The following NT5M variants were observed in gnomAD, a reference collection of about 807,000 sequenced individuals.
The protein encoded by NT5M is 5',3'-nucleotidase, mitochondrial.
NT5M carries 22 observed loss-of-function variants against 22.2 expected under a neutral mutation model. The observed-to-expected ratio is 0.99, with a 90% CI of 0.71 to 1.41. The LOEUF is 1.41. Among genes scored for constraint, NT5M ranks in the 40% most tolerant of loss-of-function variants. The pLI is 0.00. For synonymous variants in NT5M, 167 were observed against 133.0 expected (o/e 1.26, Z -1.76); for missense variants, 322 against 314.8 (o/e 1.02, Z -0.17).
chr17:17,345,120 T>G, intron 4 of NT5M: 1 of 995,400 alleles, frequency 1.0e-6, no homozygotes. Context: ...GTGCCAGCTC[T>G]AGGGTTAGCT....
chr17:17,322,807 G>A lies in NT5M; in HGVS notation c.369-378G>A, dbSNP rs765294709. On this transcript the variant is annotated intron_variant, in intron 2 of 4. Transcript: ENST00000389022. Reference sequence around the variant, plus strand: ...GCCAAGGCCAAGCCTGTGTTTCAGGGACTCGATCACTGCAGGGCTTAGCCT... The same window carrying A: ...GCCAAGGCCAAGCCTGTGTTTCAGGAACTCGATCACTGCAGGGCTTAGCCT... Among the ~76,000 whole-genome samples, 35 of 152,330 alleles carry A rather than the reference G, an allele frequency of 2.3e-4. 1 individual carries two copies. In the Middle Eastern group the frequency reaches 0.014, roughly 59 times the overall value.
chr17:17,309,934 C>T (rs1302411151), intron 2 of NT5M, among the ~76,000 whole-genome samples: 1 of 151,536 alleles, frequency 6.6e-6, no homozygotes, highest in Non-Finnish European at 1.5e-5. Context: ...ATGCCATTCT[C>T]CTGCCTCAGC....
At chr17:17,336,396 T>TA (rs2049512856) in intron 3 of NT5M, among the ~76,000 whole-genome samples, 1 of 152,100 alleles carries the variant, frequency 6.6e-6, no homozygotes, top group Non-Finnish European at 1.5e-5. Flanking sequence ...ACCATCCTCC[T>TA]ACTATCTCCA....
intron 3 of NT5M, among the ~76,000 whole-genome samples, chr17:17,330,072 G>A (rs956806761): frequency 1.3e-5 from 2 of 152,106 alleles, no homozygotes; most frequent in Non-Finnish European, 2.9e-5. Flanking sequence ...AGGCCGAGGT[G>A]GGCAGATCAT....
intron 2 of NT5M, among the ~76,000 whole-genome samples, chr17:17,319,656 A>G (rs183620725): frequency 1.3e-4 from 20 of 152,304 alleles, no homozygotes; most frequent in African/African-American, 4.6e-4. Context: ...ACATTCTAGA[A>G]AATACTATCC....
chr17:17,318,322 CA>C (rs1377113883), intron 2 of NT5M, among the ~76,000 whole-genome samples: 1 of 151,400 alleles, frequency 6.6e-6, no homozygotes, highest in Admixed American at 6.6e-5. Context: ...ACTAAAAATA[CA>C]AAAAGAATTA....
At chr17:17,345,798 A>C (rs1373173891) in intron 4 of NT5M, among the ~76,000 whole-genome samples, 1 of 152,132 alleles carries the variant, frequency 6.6e-6, no homozygotes, top group Non-Finnish European at 1.5e-5. Context: ...GTGACAGAGT[A>C]AGACCCTGTC....
chr17:17,333,035 G>A (rs1265317844), intron 3 of NT5M, among the ~76,000 whole-genome samples: 3 of 152,136 alleles, frequency 2.0e-5, no homozygotes, highest in Non-Finnish European at 2.9e-5. Context: ...TCAGGGCTCT[G>A]GATTTTGGCT....
intron 1 of NT5M, among the ~76,000 whole-genome samples, chr17:17,305,895 G>A (rs979592366): frequency 6.6e-6 from 1 of 152,080 alleles, no homozygotes; most frequent in Non-Finnish European, 1.5e-5. Flanking sequence ...ACATCAGGTG[G>A]ATCTCTTCCC....
At position 17,347,088 on chromosome 17, in the gene NT5M, C is replaced by A; in HGVS notation, c.*141C>A. On this transcript the variant is annotated 3_prime_UTR_variant, in exon 5 of 5. Transcript: ENST00000389022. ...CCTCCTGCTGCATGTCCCTTCCCTT[C>A]CCCAGCCCTGCCAGGCCTTAACCTG... 1 of 1,100,380 alleles carries A rather than the reference C, an allele frequency of 9.1e-7. No individual in the cohort carries two copies. Among genetic ancestry groups the A allele is most frequent in the Non-Finnish European group, 1.3e-6 (1 of 788,024 alleles). The allele number at this position is 1,100,380 out of a possible 1,614,324, so 68.2% of individuals were successfully genotyped here.
chr17:17,342,643 A>G (rs904153827), intron 3 of NT5M, among the ~76,000 whole-genome samples: 36 of 152,168 alleles, frequency 2.4e-4, no homozygotes, highest in Admixed American at 2.4e-3. Context: ...CAAACACCTG[A>G]GCACCGGCCT....
chr17:17,305,413 C>CCCCCCCCCCCCCCCCCCCCCCT (rs1567877233), intron 1 of NT5M, among the ~76,000 whole-genome samples: 2 of 124,976 alleles, frequency 1.6e-5, no homozygotes, highest in Admixed American at 8.0e-5. Context: ...CCCCCGCCCC[C>CCCCCCCCCCCCCCCCCCCCCCT]ACACACGTGG....
At chr17:17,316,050 C>T (rs539451101) in intron 2 of NT5M, among the ~76,000 whole-genome samples, 16 of 150,946 alleles carry the variant, frequency 1.1e-4, no homozygotes, top group Non-Finnish European at 1.6e-4. Flanking sequence ...CCACCATGCC[C>T]GGCCTTTTTT....
intron 2 of NT5M, among the ~76,000 whole-genome samples, chr17:17,322,506 C>T (rs575787593): frequency 5.3e-5 from 8 of 152,184 alleles, no homozygotes; most frequent in African/African-American, 1.7e-4. Flanking sequence ...CCCAGGGACC[C>T]GGGAGTCTCA....
chr17:17,305,394 G>GCCCCCC (rs34579357), intron 1 of NT5M, among the ~76,000 whole-genome samples: 1 of 74,098 alleles, frequency 1.3e-5, no homozygotes, highest in African/African-American at 5.0e-5. Context: ...TAAAACAACC[G>GCCCCCC]CCCCCCCCCC....
intron 2 of NT5M, among the ~76,000 whole-genome samples, chr17:17,310,759 A>G (rs1023711382): frequency 4.3e-5 from 5 of 117,226 alleles, no homozygotes; most frequent in Non-Finnish European, 8.3e-5. Flanking sequence ...GATCACTTGA[A>G]CCTCAGGGGG....
intron 2 of NT5M, among the ~76,000 whole-genome samples, chr17:17,308,957 C>G (rs1317306720): frequency 6.6e-6 from 1 of 152,014 alleles, no homozygotes; most frequent in Admixed American, 6.6e-5. Flanking sequence ...GAATGATATT[C>G]CAGCCATTGG....
intron 2 of NT5M, among the ~76,000 whole-genome samples, chr17:17,318,937 G>T (rs986808744): frequency 2.6e-5 from 4 of 151,870 alleles, no homozygotes; most frequent in African/African-American, 9.7e-5. Flanking sequence ...TGGGGCGGGC[G>T]TGGTGGCTCA....
Position 17,303,749 on chromosome 17 carries a change from A to T in NT5M, c.199A>T (p.Ile67Phe), listed in dbSNP as rs553426958. The T allele has an allele frequency of 5.7e-6, 9 of 1,589,154 alleles. No homozygotes were observed. The highest frequency in any genetic ancestry group is 7.7e-6 in the Non-Finnish European group (9 of 1,169,868). The change falls in exon 1 of 5, where the codon ATC becomes TTC. Residue 67 changes from isoleucine to phenylalanine, a missense_variant. Ile to Phe is a conservative substitution (Grantham distance 21). Transcript: ENST00000389022. Reference sequence around the variant, plus strand: ...CGCGCGCTTTCCCGACCAGCCCTTCATCGCGCTGGAGGACCGGCGCGGCTT... The same window carrying T: ...CGCGCGCTTTCCCGACCAGCCCTTCTTCGCGCTGGAGGACCGGCGCGGCTT... ...FRARFPDQPF[I>F]ALEDRRGFWV...
Sources: allele counts gnomAD v4.1 joint callset (sites outside exome capture counted in the v4.1 genomes callset), GRCh38; gene constraint gnomAD v4.1.1; transcripts MANE v1.5; gene names NCBI Gene and HGNC (gene_info 2026-07-23, HGNC 2026-07-21).